The following POMT2 variants were observed in gnomAD, a reference collection of about 807,000 sequenced individuals.
POMT2 encodes protein O-mannosyl-transferase 2.
POMT2 carries 75 observed loss-of-function variants against 100.0 expected under a neutral mutation model. The observed-to-expected ratio is 0.75, with a 90% CI of 0.62 to 0.91. The LOEUF (loss-of-function observed/expected upper bound fraction) is 0.91, where lower values mean the gene tolerates loss of function less well. POMT2 is among the 40% of genes least tolerant of loss of function. The pLI is 0.00. For missense variants in POMT2, 940 were observed against 955.1 expected (o/e 0.98, Z 0.21); for synonymous variants, 378 against 374.1 (o/e 1.01, Z -0.12).
At chr14:77,306,078 G>A (rs1199709081) in intron 3 of POMT2, among the ~76,000 whole-genome samples, 1 of 152,132 alleles carries the variant, frequency 6.6e-6, no homozygotes, top group Non-Finnish European at 1.5e-5. Flanking sequence ...AGTATACCGG[G>A]GCAGGGCAGC....
Position 77,279,909 on chromosome 14 carries a change from A to T in POMT2, c.1805T>A (p.Leu602Gln). Reference sequence around the variant, plus strand: ...GAGGAGGTAGAGGGCGATGCTCAACAGATTCAGCCACCAAACCACCTGTGC... The same window carrying T: ...GAGGAGGTAGAGGGCGATGCTCAACTGATTCAGCCACCAAACCACCTGTGC... ...LGNPVVWWLN[L>Q]LSIALYLLSG... Residue 602 changes from leucine to glutamine, a missense_variant, in exon 18 of 21, where the codon CTG becomes CAG. Coordinates refer to ENST00000261534, the MANE Select transcript of POMT2 (RefSeq NM_013382.7). The T allele has an allele frequency of 6.2e-7, 1 of 1,614,124 alleles. No homozygotes were observed. Among genetic ancestry groups the T allele is most frequent in the Non-Finnish European group, 8.5e-7 (1 of 1,180,002 alleles).
chr14:77,286,476 A>G (rs1890427385), intron 12 of POMT2, among the ~76,000 whole-genome samples: 3 of 152,234 alleles, frequency 2.0e-5, no homozygotes, highest in Non-Finnish European at 2.9e-5. Context: ...AGATCCAAAT[A>G]GTATTCATAT....
intron 1 of POMT2, among the ~76,000 whole-genome samples, chr14:77,313,944 G>A (rs935836479): frequency 2.6e-5 from 4 of 152,160 alleles, no homozygotes; most frequent in Non-Finnish European, 2.9e-5. Context: ...CCAAACCTCA[G>A]GTGATCCACC....
intron 2 of POMT2, 36 bp from the exon 3 acceptor site, chr14:77,306,477 C>T: frequency 6.2e-7 from 1 of 1,607,528 alleles, no homozygotes; most frequent in Non-Finnish European, 8.5e-7. Flanking sequence ...GATGAGAAGC[C>T]TTTGGGAGAA....
intron 4 of POMT2, 50 bp downstream of exon 4, chr14:77,304,642 G>A (rs779148877): frequency 4.6e-5 from 71 of 1,550,136 alleles, no homozygotes; most frequent in Non-Finnish European, 5.3e-5. Flanking sequence ...CTACATTCAC[G>A]GAGTGGCAGC....
intron 18 of POMT2, chr14:77,279,611 A>T (rs534455030): frequency 2.9e-6 from 2 of 684,444 alleles, no homozygotes; most frequent in East Asian, 5.6e-5. Flanking sequence ...GGGGGTCATA[A>T]TAGCCAACGC....
chr14:77,279,639 G>C (rs973791962), intron 18 of POMT2, 184 bp downstream of exon 18: 2 of 708,646 alleles, frequency 2.8e-6, no homozygotes, highest in African/African-American at 1.7e-5. Flanking sequence ...TTGTTGGGAG[G>C]AAGTAAAGTG....
intron 2 of POMT2, among the ~76,000 whole-genome samples, chr14:77,310,594 C>T (rs1891403103): frequency 1.3e-5 from 2 of 152,108 alleles, no homozygotes; most frequent in Non-Finnish European, 2.9e-5. Flanking sequence ...TGCTCTCATG[C>T]TTCCTTAAGC....
chr14:77,279,528 A>G (rs1890124866), intron 18 of POMT2: 3 of 552,126 alleles, frequency 5.4e-6, no homozygotes, highest in South Asian at 4.6e-5. Flanking sequence ...CCTCAGCTCT[A>G]TCACTTACTA....
Position 77,284,895 on chromosome 14 carries a change from G to A in POMT2, c.1576+55C>T, listed in dbSNP as rs78002771. ...ACAAACGCTTACTTTTCTAAGATAA[G>A]GGTTTCTTATAAATGCTTCCCTCCA... is the stretch of plus-strand genomic sequence containing the variant. On this transcript the variant is annotated intron_variant, in intron 14 of 20. Coordinates refer to ENST00000261534, the MANE Select transcript of POMT2 (RefSeq NM_013382.7). 51,457 of 1,448,672 alleles carry A rather than the reference G, an allele frequency of 0.036. 1,059 individuals are homozygous for A. The highest frequency in any genetic ancestry group is 0.04 in the Non-Finnish European group (41,326 of 1,029,892). The allele number at this position is 1,448,672 out of a possible 1,614,324, so 89.7% of individuals were successfully genotyped here.
chr14:77,288,939 A>C (rs1566649530), intron 10 of POMT2, 108 bp from the exon 11 acceptor site: 1 of 934,528 alleles, frequency 1.1e-6, no homozygotes, highest in Admixed American at 1.8e-5. Context: ...TGCTAGAGGT[A>C]CTAACCAGGT....
chr14:77,301,056 A>C, intron 6 of POMT2, 34 bp downstream of exon 6: 1 of 1,613,418 alleles, frequency 6.2e-7, no homozygotes, highest in Middle Eastern at 1.7e-4. Flanking sequence ...TCAGGGAGCA[A>C]AAACATTTCC....
At chr14:77,279,753 C>T (rs139332043) in intron 18 of POMT2, 70 bp downstream of exon 18, 73 of 1,470,276 alleles carry the variant, frequency 5.0e-5, no homozygotes, top group African/African-American at 2.9e-4. Context: ...AGCAGGCAGC[C>T]GGCCCTCCCC....
At chr14:77,301,433 G>A (rs558629497) in intron 5 of POMT2, among the ~76,000 whole-genome samples, 184 bp from the exon 6 acceptor site, 3 of 152,306 alleles carry the variant, frequency 2.0e-5, no homozygotes, top group Admixed American at 1.3e-4. Context: ...CCCCTGGAAC[G>A]GCAGGAAAAG....
rs576105965 is a variant in POMT2 at position 77,317,495 on chromosome 14, A to G, written c.248+2939T>C. ...AGTCAATAGCCAAGGTATTCGATGG[A>G]CCTCCCACACTCCCTACCATCCACA... On this transcript the variant is annotated intron_variant, in intron 1 of 20. Transcript: ENST00000261534. Among the ~76,000 whole-genome samples, 124 of 152,194 alleles carry G rather than the reference A, an allele frequency of 8.1e-4. 1 individual carries two copies. The highest frequency in any genetic ancestry group is 2.8e-3 in the African/African-American group (115 of 41,504).
intron 4 of POMT2, 53 bp from the exon 5 acceptor site, chr14:77,302,996 G>A (rs1424697884): frequency 2.2e-5 from 30 of 1,357,640 alleles, no homozygotes; most frequent in Non-Finnish European, 2.9e-5. Flanking sequence ...AGGGCCCCCT[G>A]AAAACCAAGC....
rs1477770605 is a variant in POMT2 at position 77,280,738 on chromosome 14, A to G, written c.1654-275T>C. ...GAAATTGTTCCAATGGGCACAAAAT[A>G]TATACCCATCTGCCAAGCTAAGGAC... is the stretch of plus-strand genomic sequence containing the variant. On this transcript the variant is annotated intron_variant, in intron 15 of 20. Coordinates refer to ENST00000261534, the MANE Select transcript of POMT2 (RefSeq NM_013382.7). Among the ~76,000 whole-genome samples the G allele has an allele frequency of 3.3e-5, 5 of 152,198 alleles. No homozygotes were observed. In the East Asian group the frequency reaches 9.6e-4, roughly 29 times the overall value.
intron 15 of POMT2, among the ~76,000 whole-genome samples, chr14:77,280,866 T>A (rs1417008042): frequency 6.6e-6 from 1 of 151,794 alleles, no homozygotes; most frequent in Non-Finnish European, 1.5e-5. Context: ...CCGAGGCGGG[T>A]GGATCACCTG....
At chr14:77,296,043 C>A in intron 9 of POMT2, 121 bp downstream of exon 9, 2 of 832,710 alleles carry the variant, frequency 2.4e-6, no homozygotes, top group South Asian at 2.9e-5. Flanking sequence ...CAGAAGGGTG[C>A]AGGGCTAGGA....
Sources: gnomAD v4.1 joint callset for allele counts (sites outside exome capture counted in the v4.1 genomes callset) on GRCh38, gnomAD v4.1.1 for gene constraint, MANE v1.5 for transcripts, NCBI Gene and HGNC (gene_info 2026-07-23, HGNC 2026-07-21) for gene names.